CSNK1G3: variants seen among roughly 807,000 people sequenced by gnomAD.
The protein encoded by CSNK1G3 is casein kinase 1 gamma 3.
A neutral mutation model predicts 64.3 loss-of-function variants in CSNK1G3; 23 were observed. The ratio of observed to expected loss-of-function variants is 0.36; its 90% CI spans 0.26 to 0.51. CSNK1G3 has a LOEUF of 0.51. CSNK1G3 is among the 20% of genes least tolerant of loss of function. The probability of loss-of-function intolerance (pLI) is 0.96; values close to 1 mark genes in which losing one functional copy is unlikely to be tolerated. For missense variants in CSNK1G3, 357 were observed against 510.5 expected (o/e 0.70, Z 2.90); for synonymous variants, 158 against 162.2 (o/e 0.97, Z 0.20).
At chr5:123,575,845 T>C in exon 6 of CSNK1G3, 1 of 1,613,634 alleles carries the variant, frequency 6.2e-7, no homozygotes, top group Non-Finnish European at 8.5e-7. Context: ...ACATTATAGA[T>C]TTTGGTTTGG....
At chr5:123,561,182 T>C (rs1785633071) in intron 4 of CSNK1G3, among the ~76,000 whole-genome samples, 1 of 152,192 alleles carries the variant, frequency 6.6e-6, no homozygotes, top group African/African-American at 2.4e-5. Context: ...GACTATTGTT[T>C]TATACCATTA....
chr5:123,536,425 C>CTTTT lies in CSNK1G3; in HGVS notation c.-247-8980_-247-8977dup, dbSNP rs3064349. Among the ~76,000 whole-genome samples the CTTTT allele has an allele frequency of 4.5e-5, 6 of 134,564 alleles. 1 individual carries two copies. Among genetic ancestry groups the CTTTT allele is most frequent in the African/African-American group, 5.5e-5 (2 of 36,648 alleles). 88.3% of individuals were successfully genotyped at this position (134,564 alleles called of 152,430 possible). On this transcript the variant is annotated intron_variant, in intron 1 of 12. Coordinates refer to ENST00000345990, the Ensembl canonical transcript of CSNK1G3. ...TTCTAAATTGAAAAAATATGAAGGG[C>CTTTT]TTTTTTTTTTTTTTTAAAAAAAAAA... is the stretch of plus-strand genomic sequence containing the variant.
chr5:123,549,253 C>T (rs2150317399), intron 2 of CSNK1G3, among the ~76,000 whole-genome samples: 1 of 152,176 alleles, frequency 6.6e-6, no homozygotes, highest in South Asian at 2.1e-4. Context: ...CTGAATAAGA[C>T]CAAACATAGC....
At chr5:123,571,732 A>G (rs946734209) in intron 4 of CSNK1G3, among the ~76,000 whole-genome samples, 1 of 152,186 alleles carries the variant, frequency 6.6e-6, no homozygotes, top group South Asian at 2.1e-4. Context: ...AAGAATGAGA[A>G]GTTTTCATTA....
intron 1 of CSNK1G3, among the ~76,000 whole-genome samples, chr5:123,528,121 A>C (rs937466532): frequency 9.2e-5 from 14 of 152,128 alleles, no homozygotes; most frequent in Non-Finnish European, 1.5e-5. Flanking sequence ...ACTCAAGTGG[A>C]ATTTAGAGGC....
chr5:123,548,861 T>C (rs1160552946), intron 2 of CSNK1G3, among the ~76,000 whole-genome samples: 2 of 152,214 alleles, frequency 1.3e-5, no homozygotes, highest in Non-Finnish European at 2.9e-5. Flanking sequence ...GGGCATTTTA[T>C]AGACATAATG....
intron 2 of CSNK1G3, 59 bp from the exon 3 acceptor site, chr5:123,553,048 A>G: frequency 1.1e-6 from 1 of 944,276 alleles, no homozygotes; most frequent in South Asian, 1.8e-5. Flanking sequence ...GTACAGTTTT[A>G]TATAATGTAT....
chr5:123,564,837 G>A (rs1786512941), intron 4 of CSNK1G3, among the ~76,000 whole-genome samples: 1 of 152,134 alleles, frequency 6.6e-6, no homozygotes, highest in African/African-American at 2.4e-5. Context: ...CTGTTACCAA[G>A]TCCATAATTC....
In CSNK1G3 at chr5:123,520,684, A is replaced by G. The variant is rs543970678; in HGVS notation, c.-248+8114A>G. Among the ~76,000 whole-genome samples, 136 of 152,072 alleles carry G rather than the reference A, an allele frequency of 8.9e-4. 2 individuals are homozygous for G. The East Asian group carries it at 0.023, about 26-fold the overall frequency. ...AATTTTAAATTGAAATTGGCCATAT[A>G]ATATCTTTTGGTACAAATATACATT... is the stretch of plus-strand genomic sequence containing the variant. On this transcript the variant is annotated intron_variant, in intron 1 of 12. Transcript: ENST00000345990.
At chr5:123,566,475 G>A (rs1786900408) in intron 4 of CSNK1G3, among the ~76,000 whole-genome samples, 1 of 152,064 alleles carries the variant, frequency 6.6e-6, no homozygotes, top group Admixed American at 6.5e-5. Flanking sequence ...AATTCACCAG[G>A]TGTAAGAACA....
chr5:123,610,966 AGTGC>A (rs1486487322), intron 12 of CSNK1G3, among the ~76,000 whole-genome samples: 1 of 152,250 alleles, frequency 6.6e-6, no homozygotes, highest in African/African-American at 2.4e-5. Flanking sequence ...CTTAAATTCT[AGTGC>A]AAAGGCAGAT....
chr5:123,536,061 G>A (rs999223369), intron 1 of CSNK1G3, among the ~76,000 whole-genome samples: 1 of 152,074 alleles, frequency 6.6e-6, no homozygotes, highest in Non-Finnish European at 1.5e-5. Flanking sequence ...CTTTTATTGT[G>A]GAACAGTTTT....
chr5:123,614,596 G>A (rs750508908), exon 13 of CSNK1G3: 73 of 454,148 alleles, frequency 1.6e-4, no homozygotes, highest in Non-Finnish European at 2.3e-4. Flanking sequence ...CTTTATGGAA[G>A]CTTTAAAGTT....
At chr5:123,545,991 A>G (rs749511098) in intron 2 of CSNK1G3, 150 bp downstream of exon 2, 8 of 733,160 alleles carry the variant, frequency 1.1e-5, no homozygotes, top group Non-Finnish European at 1.8e-5. Context: ...TTTCTTTTGT[A>G]GTTGTATTTT....
At chr5:123,581,360 G>GTTTTTTTTTTTTTTTTTTTGTTT (rs1790223512) in intron 6 of CSNK1G3, among the ~76,000 whole-genome samples, 2 of 81,602 alleles carry the variant, frequency 2.5e-5, no homozygotes, top group Non-Finnish European at 4.6e-5. Flanking sequence ...TTTTGGGTTT[G>GTTTTTTTTTTTTTTTTTTTGTTT]TTTTTTTTTT....
At chr5:123,552,398 C>A (rs1055257917) in intron 2 of CSNK1G3, among the ~76,000 whole-genome samples, 2 of 152,220 alleles carry the variant, frequency 1.3e-5, no homozygotes, top group Admixed American at 6.5e-5. Flanking sequence ...CCTGCCTCAG[C>A]CTCCCAAAGT....
chr5:123,518,069 C>T (rs1414152944), intron 1 of CSNK1G3, among the ~76,000 whole-genome samples: 2 of 152,120 alleles, frequency 1.3e-5, no homozygotes, highest in Non-Finnish European at 2.9e-5. Context: ...TCATAAGCTA[C>T]CTTTCAACTT....
rs568778769 is a variant in CSNK1G3, at chr5:123,586,312, G to A, written c.674-1756G>A. 2.0e-5 allele frequency among the ~76,000 whole-genome samples: 3 copies of A among 152,252 alleles called. No individual in the cohort carries two copies. In the South Asian group the frequency reaches 6.2e-4, roughly 32 times the overall value. On this transcript the variant is annotated intron_variant, in intron 6 of 12. Coordinates refer to ENST00000345990, the Ensembl canonical transcript of CSNK1G3. ...AGAGACATTTTGGAGCATTAGAAATGCCTCTTGATTGTGGTGGTAGTTATG... is the reference window on the plus strand; with the variant it reads ...AGAGACATTTTGGAGCATTAGAAATACCTCTTGATTGTGGTGGTAGTTATG...
At chr5:123,532,012 C>T (rs1580936905) in intron 1 of CSNK1G3, among the ~76,000 whole-genome samples, 1 of 151,878 alleles carries the variant, frequency 6.6e-6, no homozygotes, top group East Asian at 1.9e-4. Context: ...GGGAAATTTT[C>T]AGTTTTTACC....
Sources: allele counts gnomAD v4.1 joint callset (sites outside exome capture counted in the v4.1 genomes callset), GRCh38; gene constraint gnomAD v4.1.1; transcripts MANE v1.5; gene names NCBI Gene and HGNC (gene_info 2026-07-23, HGNC 2026-07-21).